Variants in ANO2 observed in about 807,000 individuals in gnomAD.
The protein encoded by ANO2 is anoctamin 2, also known as anoctamin-2.
A neutral mutation model predicts 124.2 loss-of-function variants in ANO2; 101 were observed. The observed-to-expected ratio is 0.81, with a 90% CI of 0.69 to 0.96. The LOEUF is 0.96. ANO2 is among the 40% of genes least tolerant of loss of function. ANO2 has a pLI of 0.00. For missense variants in ANO2, 1,293 were observed against 1,274.5 expected (o/e 1.01, Z -0.22); for synonymous variants, 486 against 482.5 (o/e 1.01, Z -0.09).
intron 3 of ANO2, among the ~76,000 whole-genome samples, chr12:5,888,419 G>A (rs1321968095): frequency 6.6e-6 from 1 of 152,128 alleles, no homozygotes; most frequent in Non-Finnish European, 1.5e-5. Flanking sequence ...GCCACCGCTG[G>A]CTCCAGCAGC....
chr12:5,664,918 T>G (rs1185377800), intron 14 of ANO2, among the ~76,000 whole-genome samples: 1 of 152,262 alleles, frequency 6.6e-6, no homozygotes, highest in African/African-American at 2.4e-5. Context: ...TGAAACTTTT[T>G]GGTGGCAAAA....
chr12:5,799,341 C>G (rs542923151), intron 10 of ANO2, among the ~76,000 whole-genome samples, 166 bp downstream of exon 10: 2 of 152,322 alleles, frequency 1.3e-5, no homozygotes, highest in Admixed American at 1.3e-4. Context: ...CCTCCCATGT[C>G]CCCAGCTGCT....
intron 10 of ANO2, among the ~76,000 whole-genome samples, chr12:5,789,790 G>A (rs1952644634): frequency 6.6e-6 from 1 of 152,170 alleles, no homozygotes; most frequent in Non-Finnish European, 1.5e-5. Context: ...AAAAAGCCTG[G>A]GCATGCCGGG....
Position 5,732,596 on chromosome 12 carries a change from C to A in ANO2, c.1469G>T (p.Arg490Leu), listed in dbSNP as rs375457985. The A allele has an allele frequency of 6.2e-7, 1 of 1,613,752 alleles. No homozygotes were observed. The part of the protein sequence containing the change: ...HSRPEYETKV[R>L]EKMLKESNQS... ...GTTGCTCTCCTTTAGCATTTTCTCT[C>A]GAACTTTGGTTTCATACTCAGGCCT... is the stretch of plus-strand genomic sequence containing the variant. Residue 490 changes from arginine to leucine, a missense_variant, in exon 14 of 25, where the codon CGA becomes CTA. By Grantham distance (102) the Arg-to-Leu change is moderately radical. Coordinates refer to ENST00000682330, the MANE Select transcript of ANO2 (RefSeq NM_001364791.2).
At chr12:5,928,595 A>G (rs1373621702) in intron 1 of ANO2, among the ~76,000 whole-genome samples, 16 of 144,882 alleles carry the variant, frequency 1.1e-4, no homozygotes, top group Middle Eastern at 3.7e-3. Context: ...TTACTAGTCT[A>G]TCTTCTTTCC....
At chr12:5,639,868 G>A (rs1056492343) in intron 15 of ANO2, among the ~76,000 whole-genome samples, 1 of 152,082 alleles carries the variant, frequency 6.6e-6, no homozygotes, top group African/African-American at 2.4e-5. Flanking sequence ...TCAGTGAAGG[G>A]GCTATGATGA....
intron 3 of ANO2, among the ~76,000 whole-genome samples, chr12:5,905,515 G>A (rs539970996): frequency 1.3e-5 from 2 of 152,312 alleles, no homozygotes; most frequent in South Asian, 4.1e-4. Flanking sequence ...AGGAAAGAGA[G>A]AGCAGGTATT....
chr12:5,813,245 C>A (rs907126666), intron 7 of ANO2, among the ~76,000 whole-genome samples: 4 of 152,156 alleles, frequency 2.6e-5, no homozygotes, highest in African/African-American at 9.7e-5. Context: ...GGTCAGAACC[C>A]CAGTGGTCAA....
At chr12:5,578,055 A>G (rs1449214088) in intron 21 of ANO2, 48 bp from the exon 22 acceptor site, 4 of 1,585,138 alleles carry the variant, frequency 2.5e-6, no homozygotes, top group South Asian at 2.2e-5. Flanking sequence ...CCCTCGGCCC[A>G]GTGATGACAA....
At chr12:5,639,948 T>C (rs139538595) in intron 15 of ANO2, among the ~76,000 whole-genome samples, 2 of 152,198 alleles carry the variant, frequency 1.3e-5, no homozygotes, top group African/African-American at 4.8e-5. Context: ...AATGAGTATC[T>C]GGGGCACAGG....
At chr12:5,586,690 T>C (rs1943126209) in intron 20 of ANO2, among the ~76,000 whole-genome samples, 1 of 152,244 alleles carries the variant, frequency 6.6e-6, no homozygotes, top group African/African-American at 2.4e-5. Context: ...GCTCCTTTAA[T>C]AAGTGTCCAC....
At position 5,563,207 on chromosome 12, in the gene ANO2, G is replaced by A; in HGVS notation, c.*92C>T. 6.8e-7 allele frequency: 1 copy of A among 1,476,030 alleles called. No individual in the cohort carries two copies. Among genetic ancestry groups the A allele is most frequent in the Non-Finnish European group, 9.0e-7 (1 of 1,110,182 alleles). The allele number at this position is 1,476,030 out of a possible 1,614,324, so 91.4% of individuals were successfully genotyped here. A position where few individuals can be genotyped will look rare whatever the true frequency, so the allele number is the denominator to read the frequency against. On this transcript the variant is annotated 3_prime_UTR_variant, in exon 25 of 25. Transcript: ENST00000682330. ...GACCCCATCAAGCCAGGCCCCTGCA[G>A]ACAGACAGCACGCCATGTGGGTGTA...
In ANO2 at chr12:5,677,657, G is replaced by A. The variant is rs1483673351; in HGVS notation, c.1546-29856C>T. 5.9e-5 allele frequency among the ~76,000 whole-genome samples: 9 copies of A among 152,134 alleles called. No individual in the cohort carries two copies. The South Asian group carries it at 8.3e-4, about 14-fold the overall frequency. On this transcript the variant is annotated intron_variant, in intron 14 of 24. Coordinates refer to ENST00000682330, the MANE Select transcript of ANO2 (RefSeq NM_001364791.2). Reference sequence around the variant, plus strand: ...CTGACCATACCACTGCACCACCCATGCCTACTGGAGGTCAAGCATTGGGAG... The same window carrying A: ...CTGACCATACCACTGCACCACCCATACCTACTGGAGGTCAAGCATTGGGAG...
intron 23 of ANO2, among the ~76,000 whole-genome samples, chr12:5,572,724 G>C (rs377589839): frequency 5.9e-5 from 9 of 152,240 alleles, no homozygotes; most frequent in South Asian, 4.2e-4. Flanking sequence ...AATGATGGAT[G>C]CTTCAAAGTC....
intron 4 of ANO2, chr12:5,839,575 T>C (rs1398935184): frequency 1.1e-5 from 5 of 455,868 alleles, no homozygotes; most frequent in African/African-American, 1.0e-4. Context: ...GAAACATTCA[T>C]TCATGGCACA....
At chr12:5,572,234 C>T (rs746622252) in intron 23 of ANO2, among the ~76,000 whole-genome samples, 5 of 152,060 alleles carry the variant, frequency 3.3e-5, no homozygotes, top group Non-Finnish European at 5.9e-5. Flanking sequence ...CATAGCTTAC[C>T]CCTCTCACCT....
At chr12:5,609,891 T>C (rs1025527823) in intron 19 of ANO2, among the ~76,000 whole-genome samples, 1 of 147,642 alleles carries the variant, frequency 6.8e-6, no homozygotes, top group Non-Finnish European at 1.5e-5. Context: ...ATATGTTTTA[T>C]ACATATAAAA....
intron 23 of ANO2, among the ~76,000 whole-genome samples, chr12:5,568,925 G>A (rs1390740511): frequency 6.6e-6 from 1 of 152,232 alleles, no homozygotes; most frequent in Admixed American, 6.5e-5. Flanking sequence ...GAGGGTCAAC[G>A]CCGAGTGCTC....
At chr12:5,903,594 C>G (rs1254068394) in intron 3 of ANO2, among the ~76,000 whole-genome samples, 1 of 152,042 alleles carries the variant, frequency 6.6e-6, no homozygotes, top group Admixed American at 6.5e-5. Context: ...ACCTTCCCAG[C>G]TCTGCCACTC....
Sources: gnomAD v4.1 joint callset for allele counts (sites outside exome capture counted in the v4.1 genomes callset) on GRCh38, gnomAD v4.1.1 for gene constraint, MANE v1.5 for transcripts, NCBI Gene and HGNC (gene_info 2026-07-23, HGNC 2026-07-21) for gene names.